ECPAS: variants seen among roughly 807,000 people sequenced by gnomAD.
ECPAS encodes proteasome adapter and scaffold protein ECM29.
Under a neutral mutation model 255.1 loss-of-function variants are expected in ECPAS, and 70 were observed. That is an observed-to-expected ratio of 0.27 (90% confidence interval 0.23 to 0.33). The LOEUF (loss-of-function observed/expected upper bound fraction) is 0.33. Ranked by LOEUF, ECPAS falls within the 10% of genes least tolerant of loss-of-function variation. The pLI, the probability that ECPAS is intolerant of heterozygous loss-of-function variation, is 1.00. For missense variants in ECPAS, 1,817 were observed against 2,206.4 expected (o/e 0.82, Z 3.54); for synonymous variants, 784 against 775.0 (o/e 1.01, Z -0.19).
chr9:111,460,708 G>T (rs142193993), intron 2 of ECPAS, among the ~76,000 whole-genome samples: 1 of 151,998 alleles, frequency 6.6e-6, no homozygotes, highest in African/African-American at 2.4e-5. Context: ...AAAACACATC[G>T]AATAGCTGGG....
rs966462166 is a variant in ECPAS at position 111,411,140 on chromosome 9, G to A, written c.2217C>T (p.Ser739=). The A allele has an allele frequency of 3.2e-5, 51 of 1,612,880 alleles. No individual in the cohort carries two copies. Among genetic ancestry groups the A allele is most frequent in the Non-Finnish European group, 4.2e-5 (49 of 1,179,554 alleles). The change falls in exon 22 of 50, where the codon AGC becomes AGT. Residue 739 remains serine, a splice_region_variant and synonymous_variant. Transcript: ENST00000684092. ...QLIKTTKDNH[S]PEIQHGSLLA... is the part of the protein sequence containing the mutation. ...GCAAGGATCCATGCTGTATCTCCGG[G>A]CTCTGAATTTAGCAAAAACAATAGC... is the stretch of plus-strand genomic sequence containing the variant.
intron 10 of ECPAS, among the ~76,000 whole-genome samples, chr9:111,427,129 A>G (rs1039124242): frequency 6.6e-6 from 1 of 150,668 alleles, no homozygotes; most frequent in Non-Finnish European, 1.5e-5. Context: ...ACTGCACTCC[A>G]GCCTGAGCAA....
In ECPAS at chr9:111,397,119, T is replaced by C. The variant is rs2098168743; in HGVS notation, c.2687A>G (p.Glu896Gly). The C allele has an allele frequency of 3.7e-6, 6 of 1,613,940 alleles. No homozygotes were observed. The highest frequency in any genetic ancestry group is 5.1e-6 in the Non-Finnish European group (6 of 1,179,802). Residue 896 changes from glutamate to glycine, a missense_variant, in exon 25 of 50, where the codon GAA becomes GGA. Around this residue, in one of 4 missense-constraint regions of ECPAS, gnomAD observed 960 missense variants for 1,179.0 expected, o/e 0.81. Transcript: ENST00000684092. ...TCCTATTGCAGCACTGGTAATGGCT[T>C]CGCCAATAGTGAACTGAAGTTCTAT... is the stretch of plus-strand genomic sequence containing the variant. ...KQIELQFTIGEAITSAAIGTS... is the reference protein window; with the variant it reads ...KQIELQFTIGGAITSAAIGTS...
At chr9:111,459,169 T>C (rs1012317265) in intron 2 of ECPAS, among the ~76,000 whole-genome samples, 2 of 152,206 alleles carry the variant, frequency 1.3e-5, no homozygotes, top group African/African-American at 2.4e-5. Flanking sequence ...TTGTATATAA[T>C]TATCTCTCAG....
At chr9:111,386,348 G>C in intron 32 of ECPAS, 29 bp downstream of exon 32, 1 of 1,399,966 alleles carries the variant, frequency 7.1e-7, no homozygotes, top group Non-Finnish European at 1.0e-6. Flanking sequence ...AGTTTTATTT[G>C]ACTAAACTTA....
chr9:111,429,073 C>T lies in ECPAS; in HGVS notation c.931-912G>A, dbSNP rs539601434. Reference sequence around the variant, plus strand: ...CAAAACTCTAATTTTTGCTTGAAAGCTAACTTTTATCATTGCCAATAAATC... The same window carrying T: ...CAAAACTCTAATTTTTGCTTGAAAGTTAACTTTTATCATTGCCAATAAATC... On this transcript the variant is annotated intron_variant, in intron 9 of 49. Coordinates refer to ENST00000684092, the MANE Select transcript of ECPAS (RefSeq NM_001364929.1). Among the ~76,000 whole-genome samples the T allele has an allele frequency of 3.3e-5, 5 of 152,258 alleles. No homozygotes were observed. The East Asian group carries it at 5.8e-4, about 18-fold the overall frequency.
intron 2 of ECPAS, among the ~76,000 whole-genome samples, chr9:111,465,567 T>A (rs2098278565): frequency 6.6e-6 from 1 of 151,666 alleles, no homozygotes; most frequent in South Asian, 2.1e-4. Context: ...CATACTTTCC[T>A]TCATGGTTGA....
At chr9:111,371,049 C>G (rs2098126690) in intron 43 of ECPAS, among the ~76,000 whole-genome samples, 1 of 152,210 alleles carries the variant, frequency 6.6e-6, no homozygotes, top group Non-Finnish European at 1.5e-5. Context: ...GGAATGATGT[C>G]TGACTCCCAG....
chr9:111,362,252 A>G, intron 49 of ECPAS, 83 bp from the exon 50 acceptor site: 1 of 1,228,108 alleles, frequency 8.1e-7, no homozygotes, highest in East Asian at 2.5e-5. Context: ...TTATAGAACA[A>G]GCAAGAAAAA....
At chr9:111,469,097 G>T (rs1267312536) in intron 2 of ECPAS, among the ~76,000 whole-genome samples, 2 of 152,194 alleles carry the variant, frequency 1.3e-5, no homozygotes, top group African/African-American at 4.8e-5. Flanking sequence ...AATTAGCTGA[G>T]CGTGATGGCA....
intron 38 of ECPAS, among the ~76,000 whole-genome samples, chr9:111,374,512 T>C (rs1000802148): frequency 7.9e-5 from 12 of 152,196 alleles, no homozygotes; most frequent in African/African-American, 2.9e-4. Context: ...AGAAGATACA[T>C]GTGCAGAAAA....
At chr9:111,441,726 TTACAG>T (rs921186449) in intron 5 of ECPAS, among the ~76,000 whole-genome samples, 2 of 152,196 alleles carry the variant, frequency 1.3e-5, no homozygotes, top group African/African-American at 4.8e-5. Context: ...TTCTTCTGTA[TTACAG>T]TATTTTTTAA....
intron 25 of ECPAS, among the ~76,000 whole-genome samples, chr9:111,396,638 G>A (rs956042889): frequency 9.9e-5 from 15 of 152,082 alleles, no homozygotes; most frequent in African/African-American, 1.4e-4. Flanking sequence ...TGCAACCTCC[G>A]CCTCCCAGGT....
At chr9:111,458,362 T>TA (rs1167049213) in intron 2 of ECPAS, among the ~76,000 whole-genome samples, 1 of 152,206 alleles carries the variant, frequency 6.6e-6, no homozygotes, top group Non-Finnish European at 1.5e-5. Flanking sequence ...TATTCTTGTG[T>TA]AATAAAGAAT....
At chr9:111,449,178 A>G (rs558961319) in intron 3 of ECPAS, among the ~76,000 whole-genome samples, 17 of 152,322 alleles carry the variant, frequency 1.1e-4, no homozygotes, top group Admixed American at 6.5e-4. Context: ...AGGTTATTAT[A>G]TAAATTAAAA....
intron 2 of ECPAS, among the ~76,000 whole-genome samples, chr9:111,456,222 C>A (rs912305668): frequency 6.6e-6 from 1 of 152,018 alleles, no homozygotes. Context: ...GACTACCCCC[C>A]AAGTCAAGAA....
In ECPAS at chr9:111,386,428, T is replaced by A. The variant is rs758374862; in HGVS notation, c.3476A>T (p.Gln1159Leu). The part of the protein sequence containing the change: ...MVDKYLKEIL[Q>L]DLVKNLTSNM... ...GCTTGTAAGGTTCTTAACCAAATCT[T>A]GAAGAATTTCTTTCAAATATTTATC... The change falls in exon 32 of 50, where the codon CAA (glutamine) becomes CTA (leucine). Residue 1159 changes from glutamine (Q) to leucine (L), a missense_variant. This residue lies in a region of ECPAS where 960 missense variants were observed against 1,179.0 expected (regional missense o/e 0.81). Coordinates refer to ENST00000684092, the MANE Select transcript of ECPAS (RefSeq NM_001364929.1). 1.2e-6 allele frequency: 2 copies of A among 1,600,176 alleles called. No homozygotes were observed. The highest frequency in any genetic ancestry group is 1.7e-6 in the Non-Finnish European group (2 of 1,169,550).
At chr9:111,442,057 T>G (rs1336461685) in intron 5 of ECPAS, among the ~76,000 whole-genome samples, 1 of 152,228 alleles carries the variant, frequency 6.6e-6, no homozygotes, top group Non-Finnish European at 1.5e-5. Context: ...TCAAGATAAC[T>G]AGCCAAAAAA....
At chr9:111,415,430 T>TGG (rs2131748706) in intron 18 of ECPAS, among the ~76,000 whole-genome samples, 1 of 152,218 alleles carries the variant, frequency 6.6e-6, no homozygotes, top group South Asian at 2.1e-4. Context: ...CCAGACACAG[T>TGG]GGCTCACGCC....
Sources: allele counts gnomAD v4.1 joint callset (sites outside exome capture counted in the v4.1 genomes callset), GRCh38; gene constraint gnomAD v4.1.1; regional missense constraint gnomAD v4.1.1; transcripts MANE v1.5; gene names NCBI Gene and HGNC (gene_info 2026-07-23, HGNC 2026-07-21).